Variants in CTXND1 observed in about 807,000 individuals in gnomAD.
CTXND1 encodes the protein cortexin domain containing 1.
intron 1 of CTXND1, among the ~76,000 whole-genome samples, chr15:80,251,439 T>C (rs1893695538): frequency 6.6e-6 from 1 of 152,166 alleles, no homozygotes. Flanking sequence ...TCCCCAGAAG[T>C]TACATCCGTG....
At chr15:80,240,567 C>T (rs1210762963) in intron 1 of CTXND1, among the ~76,000 whole-genome samples, 1 of 152,206 alleles carries the variant, frequency 6.6e-6, no homozygotes, top group African/African-American at 2.4e-5. Flanking sequence ...TTCCTAATCA[C>T]TGTGTAGAGC....
intron 1 of CTXND1, among the ~76,000 whole-genome samples, chr15:80,211,001 C>T (rs1034703132): frequency 6.6e-6 from 1 of 152,192 alleles, no homozygotes; most frequent in Non-Finnish European, 1.5e-5. Flanking sequence ...GCCCTATCTT[C>T]AGATACAGTC....
chr15:80,225,540 GT>G lies in CTXND1; in HGVS notation c.-217-21801del, dbSNP rs112901223. Among the ~76,000 whole-genome samples, 566 of 152,030 alleles carry G rather than the reference GT, an allele frequency of 3.7e-3. 5 individuals carry two copies. The highest frequency in any genetic ancestry group is 0.013 in the African/African-American group (542 of 41,446). ...TATCTCTTATTTCTTTCTCTCATAGGTTGTTACTTTTCCCATCCCTCTGTCC... is the reference window on the plus strand; with the variant it reads ...TATCTCTTATTTCTTTCTCTCATAGGTGTTACTTTTCCCATCCCTCTGTCC... On this transcript the variant is annotated intron_variant, in intron 1 of 2. Transcript: ENST00000560778.
At position 80,195,661 on chromosome 15, in the gene CTXND1, A is replaced by G. The variant is rs1360813117; in HGVS notation, c.*6109T>C. 1 of 152,206 alleles carries G rather than the reference A, an allele frequency of 6.6e-6. No homozygotes were observed. Among genetic ancestry groups the G allele is most frequent in the African/African-American group, 2.4e-5 (1 of 41,426 alleles). The allele number at this position is 152,206 out of a possible 1,614,324, so 9.4% of individuals were successfully genotyped here. A position where few individuals can be genotyped will look rare whatever the true frequency, so the allele number is the denominator to read the frequency against. On this transcript the variant is annotated 3_prime_UTR_variant, in exon 3 of 3. Transcript: ENST00000560778. ...CCTTCATAACAAACCCACTCTTGAG[A>G]TAACTGCATTAATCCATTCACTCCG... is the stretch of plus-strand genomic sequence containing the variant.
intron 1 of CTXND1, among the ~76,000 whole-genome samples, chr15:80,220,001 G>A (rs116935007): frequency 0.034 from 5,163 of 151,992 alleles, 118 homozygotes; most frequent in Non-Finnish European, 0.047. Context: ...CAGATGTTTC[G>A]AATTTTAATG....
At chr15:80,237,336 GAAAAA>G (rs201997173) in intron 1 of CTXND1, among the ~76,000 whole-genome samples, 3 of 101,582 alleles carry the variant, frequency 3.0e-5, no homozygotes, top group South Asian at 2.9e-4. Context: ...CAGTGTCTCA[GAAAAA>G]AAAAAAAAAA....
rs930700820 is a variant in CTXND1, at chr15:80,200,341, A to G, written c.*1429T>C. ...ATTCCCTCACTTTACAGGTGAGGAA[A>G]TTGGGGCTCAGAGAGGCTGAGTGAG... On this transcript the variant is annotated 3_prime_UTR_variant, in exon 3 of 3. Transcript: ENST00000560778. 6.6e-6 allele frequency: 1 copy of G among 152,164 alleles called. No individual in the cohort carries two copies. The highest frequency in any genetic ancestry group is 2.4e-5 in the African/African-American group (1 of 41,424). 9.4% of individuals were successfully genotyped at this position (152,164 alleles called of 1,614,324 possible).
At chr15:80,220,821 A>G (rs1023246640) in intron 1 of CTXND1, among the ~76,000 whole-genome samples, 2 of 151,538 alleles carry the variant, frequency 1.3e-5, no homozygotes, top group Admixed American at 1.3e-4. Flanking sequence ...TATTGTTGGT[A>G]TGGAAGAACA....
At chr15:80,250,675 G>C (rs1252092715) in intron 1 of CTXND1, among the ~76,000 whole-genome samples, 1 of 152,172 alleles carries the variant, frequency 6.6e-6, no homozygotes, top group Non-Finnish European at 1.5e-5. Flanking sequence ...TTTTCCCAAG[G>C]ACGTAAGGTT....
rs1267329798 is a variant in CTXND1, at chr15:80,221,675, C to T, written c.-217-17935G>A. On this transcript the variant is annotated intron_variant, in intron 1 of 2. Coordinates refer to ENST00000560778, the MANE Select transcript of CTXND1 (RefSeq NM_001352888.2). Reference sequence around the variant, plus strand: ...AGTAACTTTTTTGTTCTTTTTCTAGCTTCTAAAGGTGACAGTTTAGTAAAT... The same window carrying T: ...AGTAACTTTTTTGTTCTTTTTCTAGTTTCTAAAGGTGACAGTTTAGTAAAT... 2.6e-5 allele frequency among the ~76,000 whole-genome samples: 4 copies of T among 152,102 alleles called. 1 individual carries two copies. The highest frequency in any genetic ancestry group is 1.5e-5 in the Non-Finnish European group (1 of 68,012).
At chr15:80,242,613 G>A (rs1258448555) in intron 1 of CTXND1, among the ~76,000 whole-genome samples, 1 of 152,196 alleles carries the variant, frequency 6.6e-6, no homozygotes, top group Admixed American at 6.5e-5. Context: ...GTAGATCGGG[G>A]CAAAGCTATG....
intron 1 of CTXND1, among the ~76,000 whole-genome samples, chr15:80,213,572 A>G (rs1893222529): frequency 1.3e-5 from 2 of 152,194 alleles, no homozygotes; most frequent in South Asian, 4.1e-4. Flanking sequence ...AGAGACTGTA[A>G]TGATGTGGCC....
At chr15:80,235,288 G>C (rs1421090397) in intron 1 of CTXND1, among the ~76,000 whole-genome samples, 4 of 152,096 alleles carry the variant, frequency 2.6e-5, no homozygotes, top group Non-Finnish European at 5.9e-5. Context: ...AGAAGCCTAG[G>C]GTAAATGTTT....
intron 1 of CTXND1, among the ~76,000 whole-genome samples, chr15:80,220,370 A>G (rs1046196347): frequency 6.6e-6 from 1 of 152,170 alleles, no homozygotes; most frequent in Admixed American, 6.5e-5. Context: ...TTCCATCTAC[A>G]TGAGTTCATT....
At chr15:80,248,708 G>A (rs72740101) in intron 1 of CTXND1, among the ~76,000 whole-genome samples, 27,088 of 152,196 alleles carry the variant, frequency 0.18, 3,862 homozygotes, top group African/African-American at 0.4. Context: ...AGGGTAGCCG[G>A]AGGGAACTGG....
At chr15:80,228,383 T>A (rs536416415) in intron 1 of CTXND1, among the ~76,000 whole-genome samples, 1 of 152,298 alleles carries the variant, frequency 6.6e-6, no homozygotes, top group South Asian at 2.1e-4. Context: ...CCCAAATCCA[T>A]CAGAGGAATC....
chr15:80,247,470 T>C (rs1893645607), intron 1 of CTXND1, among the ~76,000 whole-genome samples: 1 of 152,030 alleles, frequency 6.6e-6, no homozygotes, highest in Non-Finnish European at 1.5e-5. Context: ...ATGCCTCTTC[T>C]GAATTGCAGG....
chr15:80,204,429 C>T (rs999305301), intron 1 of CTXND1, among the ~76,000 whole-genome samples: 2 of 150,530 alleles, frequency 1.3e-5, no homozygotes, highest in African/African-American at 2.4e-5. Context: ...CTCATTAGAC[C>T]ATAACTCCCC....
At position 80,197,921 on chromosome 15, in the gene CTXND1, G is replaced by C. The variant is rs2041428640; in HGVS notation, c.*3849C>G. The stretch of plus-strand genomic sequence containing the variant: ...TGATCTTTCAACTCGATAAGAACAT[G>C]TAGACATTTCAGCAACTAATTGGAA... On this transcript the variant is annotated 3_prime_UTR_variant, in exon 3 of 3. Transcript: ENST00000560778. 1 of 152,230 alleles carries C rather than the reference G, an allele frequency of 6.6e-6. No homozygotes were observed. The highest frequency in any genetic ancestry group is 2.1e-4 in the South Asian group (1 of 4,828). 9.4% of individuals were successfully genotyped at this position (152,230 alleles called of 1,614,324 possible). A position where few individuals can be genotyped will look rare whatever the true frequency, so the allele number is the denominator to read the frequency against.
Sources: gnomAD v4.1 joint callset for allele counts (sites outside exome capture counted in the v4.1 genomes callset) on GRCh38, gnomAD v4.1.1 for gene constraint, MANE v1.5 for transcripts, NCBI Gene and HGNC (gene_info 2026-07-23, HGNC 2026-07-21) for gene names.